The following TRPM1 variants were observed in gnomAD, a reference collection of about 807,000 sequenced individuals.
TRPM1 encodes TRPM1-203 APA Isoform, Intron 10.
A neutral mutation model predicts 149.4 loss-of-function variants in TRPM1; 113 were observed. The observed-to-expected ratio is 0.76, with a 90% CI of 0.65 to 0.88. The LOEUF (loss-of-function observed/expected upper bound fraction) is 0.88. Ranked by LOEUF, TRPM1 falls within the 40% of genes least tolerant of loss-of-function variation. TRPM1 has a pLI of 0.00. For synonymous variants in TRPM1, 741 were observed against 759.5 expected (o/e 0.98, Z 0.40); for missense variants, 1,976 against 2,038.7 (o/e 0.97, Z 0.59).
intron 18 of TRPM1, among the ~76,000 whole-genome samples, chr15:31,039,884 A>G (rs1356045053): frequency 2.0e-5 from 3 of 152,166 alleles, no homozygotes; most frequent in Non-Finnish European, 4.4e-5. Context: ...CTCTGGAGTT[A>G]GAGCACCTGA....
intron 27 of TRPM1, 81 bp downstream of exon 27, chr15:31,026,058 C>A: frequency 6.3e-7 from 1 of 1,584,604 alleles, no homozygotes. Flanking sequence ...TTTAAATGAA[C>A]TCTGGCATCC....
intron 26 of TRPM1, 116 bp downstream of exon 26, chr15:31,026,799 C>G: frequency 1.9e-6 from 2 of 1,075,348 alleles, no homozygotes; most frequent in Non-Finnish European, 2.8e-6. Context: ...AGCAGTTGGA[C>G]TGAGTGTGGT....
In TRPM1 at chr15:31,032,718, C is replaced by G; in HGVS notation, c.2923G>C (p.Gly975Arg). 1 of 1,614,132 alleles carries G rather than the reference C, an allele frequency of 6.2e-7. No individual in the cohort carries two copies. Among genetic ancestry groups the G allele is most frequent in the Non-Finnish European group, 8.5e-7 (1 of 1,180,016 alleles). ...TTTCCAATCATCATCACGTATGGCC[C>G]CAGATACTTGTTGACACCAAAGATG... is the stretch of plus-strand genomic sequence containing the variant. ...LDIFGVNKYLGPYVMMIGKMM... is the reference protein window; with the variant it reads ...LDIFGVNKYLRPYVMMIGKMM... Residue 975 changes from glycine (G) to arginine (R), a missense_variant, in exon 22 of 28, where the codon GGG becomes CGG. This residue lies in a region of TRPM1 where 1,332 missense variants were observed against 1,347.1 expected (regional missense o/e 0.99). Transcript: ENST00000256552.
At chr15:31,064,409 C>A (rs1048949495) in intron 7 of TRPM1, among the ~76,000 whole-genome samples, 3 of 152,152 alleles carry the variant, frequency 2.0e-5, no homozygotes, top group Non-Finnish European at 4.4e-5. Context: ...GTGGCAGAAC[C>A]TGCAGGCATG....
chr15:31,083,731 C>T (rs1049273289), intron 1 of TRPM1, among the ~76,000 whole-genome samples: 1 of 152,224 alleles, frequency 6.6e-6, no homozygotes, highest in Non-Finnish European at 1.5e-5. Context: ...GGTGGTTCAG[C>T]TGAGAGTCCT....
intron 27 of TRPM1, among the ~76,000 whole-genome samples, chr15:31,006,483 A>G (rs2031992578): frequency 6.6e-6 from 1 of 152,300 alleles, no homozygotes; most frequent in South Asian, 2.1e-4. Context: ...TGGCAAAGAT[A>G]TATTTCTAAT....
intron 10 of TRPM1, 102 bp from the exon 11 acceptor site, chr15:31,060,746 C>A (rs2034210315): frequency 1.1e-6 from 1 of 899,826 alleles, no homozygotes. Context: ...GGGCTGCTGG[C>A]CTAGAACTAA....
chr15:31,078,398 C>A (rs746363799), intron 2 of TRPM1, among the ~76,000 whole-genome samples: 1 of 152,164 alleles, frequency 6.6e-6, no homozygotes, highest in Non-Finnish European at 1.5e-5. Flanking sequence ...CGTGCAAGTA[C>A]CCCCCAAACT....
At chr15:31,010,623 G>T (rs1435198940) in intron 27 of TRPM1, among the ~76,000 whole-genome samples, 1 of 151,680 alleles carries the variant, frequency 6.6e-6, no homozygotes, top group Admixed American at 6.6e-5. Flanking sequence ...TTATTTTGTT[G>T]TGGCCTGAGA....
intron 12 of TRPM1, 50 bp downstream of exon 12, chr15:31,050,359 C>G (rs761551738): frequency 7.4e-6 from 12 of 1,614,010 alleles, no homozygotes; most frequent in Middle Eastern, 1.6e-4. Flanking sequence ...CATCCCTTCC[C>G]CTGGGGAAGG....
chr15:31,140,219 A>T (rs1418828753), intron 1 of TRPM1, among the ~76,000 whole-genome samples: 2 of 151,326 alleles, frequency 1.3e-5, no homozygotes, highest in African/African-American at 4.9e-5. Context: ...ATACAAAAAA[A>T]AAAAAAAAAA....
Position 31,151,996 on chromosome 15 carries a change from C to T in TRPM1, c.54+8910G>A, listed in dbSNP as rs192386969. Among the ~76,000 whole-genome samples, 37 of 152,290 alleles carry T rather than the reference C, an allele frequency of 2.4e-4. No individual in the cohort carries two copies. In the East Asian group the frequency reaches 5.4e-3, roughly 22 times the overall value. ...GGACTTGGACCTCCCTGGTAGGTGG[C>T]GGTGACTCCAGCAAGCTCTAGAGAG... On this transcript the variant is annotated intron_variant, in intron 1 of 26. Transcript: ENST00000542188.
intron 1 of TRPM1, among the ~76,000 whole-genome samples, chr15:31,093,801 C>T (rs926026409): frequency 2.0e-5 from 3 of 151,976 alleles, no homozygotes; most frequent in Non-Finnish European, 4.4e-5. Context: ...TAGGGTTTCA[C>T]CATGTTGGCC....
At chr15:31,055,490 TG>T (rs2034057103) in intron 11 of TRPM1, among the ~76,000 whole-genome samples, 1 of 152,142 alleles carries the variant, frequency 6.6e-6, no homozygotes, top group Non-Finnish European at 1.5e-5. Flanking sequence ...AGAGGGCATG[TG>T]GTGGGCAGAA....
chr15:31,027,312 A>G (rs1275290899), intron 25 of TRPM1, among the ~76,000 whole-genome samples, 195 bp from the exon 26 acceptor site: 1 of 152,160 alleles, frequency 6.6e-6, no homozygotes, highest in East Asian at 1.9e-4. Context: ...AGGACATTGT[A>G]TTCATAAATA....
At chr15:31,135,165 C>T (rs1241822431) in intron 1 of TRPM1, among the ~76,000 whole-genome samples, 4 of 152,126 alleles carry the variant, frequency 2.6e-5, no homozygotes, top group Non-Finnish European at 4.4e-5. Context: ...ATTTTTCCTT[C>T]CCTATGATGC....
At chr15:31,161,009 G>A in exon 1 of TRPM1, 1 of 1,524,434 alleles carries the variant, frequency 6.6e-7, no homozygotes, top group Non-Finnish European at 8.8e-7. Context: ...CGGGTGGCCA[G>A]GCCAGTGGCA....
chr15:31,035,159 A>G lies in TRPM1; in HGVS notation c.2700+387T>C, dbSNP rs147230884. On this transcript the variant is annotated intron_variant, in intron 21 of 27. Coordinates refer to ENST00000256552, the MANE Select transcript of TRPM1 (RefSeq NM_001252024.2). ...AGCCGAAATTACAGGCAACTGCCAC[A>G]CGACCGGCTAATTTTTGTATTTTTA... 3.3e-5 allele frequency among the ~76,000 whole-genome samples: 5 copies of G among 152,244 alleles called. No individual in the cohort carries two copies. The East Asian group carries it at 9.6e-4, about 29-fold the overall frequency.
At chr15:31,021,121 C>A (rs533498149) in intron 27 of TRPM1, among the ~76,000 whole-genome samples, 1 of 152,130 alleles carries the variant, frequency 6.6e-6, no homozygotes, top group Non-Finnish European at 1.5e-5. Context: ...ATCCAAGCAA[C>A]CTTGAACCCT....
Sources: allele counts gnomAD v4.1 joint callset (sites outside exome capture counted in the v4.1 genomes callset), GRCh38; gene constraint gnomAD v4.1.1; regional missense constraint gnomAD v4.1.1; transcripts MANE v1.5; gene names NCBI Gene and HGNC (gene_info 2026-07-23, HGNC 2026-07-21).